CTNNA3: variants seen among roughly 807,000 people sequenced by gnomAD.
The protein encoded by CTNNA3 is catenin alpha 3, also known as catenin alpha-3.
CTNNA3 carries 76 observed loss-of-function variants against 95.7 expected under a neutral mutation model. The ratio of observed to expected loss-of-function variants is 0.79; its 90% CI spans 0.66 to 0.96. CTNNA3 has a LOEUF of 0.96. CTNNA3 is among the 40% of genes least tolerant of loss of function. The pLI, the probability that CTNNA3 is intolerant of heterozygous loss-of-function variation, is 0.00. For missense variants in CTNNA3, 1,191 were observed against 1,089.8 expected (o/e 1.09, Z -1.31); for synonymous variants, 431 against 374.4 (o/e 1.15, Z -1.74).
intron 11 of CTNNA3, among the ~76,000 whole-genome samples, chr10:66,387,617 A>T (rs2092903355): frequency 6.6e-6 from 1 of 152,208 alleles, no homozygotes; most frequent in African/African-American, 2.4e-5. Context: ...AGGATTATAA[A>T]TCATGCTACA....
intron 17 of CTNNA3, among the ~76,000 whole-genome samples, chr10:65,959,287 C>G (rs10996795): frequency 6.6e-6 from 1 of 152,188 alleles, no homozygotes; most frequent in Non-Finnish European, 1.5e-5. Context: ...CAGTTACCAT[C>G]TGTCACATCT....
At chr10:67,692,937 C>T (rs1310110218) in intron 1 of CTNNA3, among the ~76,000 whole-genome samples, 1 of 152,140 alleles carries the variant, frequency 6.6e-6, no homozygotes, top group African/African-American at 2.4e-5. Context: ...TTGCACTAAA[C>T]ATTGCCTTCT....
chr10:66,333,781 C>T (rs1434765390), intron 12 of CTNNA3, among the ~76,000 whole-genome samples: 2 of 151,148 alleles, frequency 1.3e-5, no homozygotes, highest in Non-Finnish European at 3.0e-5. Flanking sequence ...TCCTGGATAT[C>T]CTTGTTAACT....
chr10:66,926,573 C>T (rs1249896777), intron 7 of CTNNA3: 42 of 1,613,762 alleles, frequency 2.6e-5, no homozygotes, highest in Non-Finnish European at 3.4e-5. Flanking sequence ...GACCTTTGAA[C>T]AATACAAAGG....
intron 2 of CTNNA3, among the ~76,000 whole-genome samples, chr10:67,641,479 C>T (rs1839531320): frequency 6.6e-6 from 1 of 152,142 alleles, no homozygotes; most frequent in Admixed American, 6.5e-5. Context: ...ACTAGAAATA[C>T]CATTTGACCC....
chr10:66,790,447 ACT>A (rs1840925855), intron 7 of CTNNA3, among the ~76,000 whole-genome samples: 1 of 152,014 alleles, frequency 6.6e-6, no homozygotes, highest in East Asian at 1.9e-4. Context: ...ACAGAACAAG[ACT>A]CTGTCTCAAA....
intron 10 of CTNNA3, among the ~76,000 whole-genome samples, chr10:66,581,655 C>A (rs947082021): frequency 6.6e-6 from 1 of 151,244 alleles, no homozygotes; most frequent in African/African-American, 2.4e-5. Context: ...TAGTTTGAGT[C>A]CTATTCATTA....
intron 15 of CTNNA3, among the ~76,000 whole-genome samples, chr10:66,056,576 A>G (rs2080092530): frequency 6.6e-6 from 1 of 152,088 alleles, no homozygotes; most frequent in Admixed American, 6.6e-5. Context: ...CCTCCTCCTC[A>G]CATTTTAGAA....
At chr10:66,245,286 A>G (rs1340736167) in intron 13 of CTNNA3, among the ~76,000 whole-genome samples, 2 of 152,190 alleles carry the variant, frequency 1.3e-5, no homozygotes, top group Non-Finnish European at 2.9e-5. Flanking sequence ...GGTGCCCAGA[A>G]GCTCAGAGAC....
chr10:67,288,353 ATCT>A (rs1287493746), intron 5 of CTNNA3, among the ~76,000 whole-genome samples: 1 of 152,186 alleles, frequency 6.6e-6, no homozygotes, highest in African/African-American at 2.4e-5. Flanking sequence ...ATTAAAGAAA[ATCT>A]TCTTAGCATA....
intron 7 of CTNNA3, among the ~76,000 whole-genome samples, chr10:66,871,948 CACA>C: frequency 6.6e-6 from 1 of 152,280 alleles, no homozygotes; most frequent in African/African-American, 2.4e-5. Context: ...AAATTTTGCA[CACA>C]ACTATAGTAT....
At chr10:66,926,310 G>T in intron 7 of CTNNA3, 14 of 523,864 alleles carry the variant, frequency 2.7e-5, no homozygotes, top group East Asian at 1.0e-4. Flanking sequence ...CTGTAAAGAT[G>T]CAAAAACGTA....
At chr10:66,034,676 A>T (rs1052306509) in intron 15 of CTNNA3, among the ~76,000 whole-genome samples, 1 of 152,244 alleles carries the variant, frequency 6.6e-6, no homozygotes, top group Non-Finnish European at 1.5e-5. Flanking sequence ...AGTATTCCAG[A>T]GAACTCCTTT....
At chr10:67,706,540 G>C (rs1357892548) in intron 1 of CTNNA3, among the ~76,000 whole-genome samples, 1 of 152,080 alleles carries the variant, frequency 6.6e-6, no homozygotes, top group Non-Finnish European at 1.5e-5. Flanking sequence ...CAGAGCAGAA[G>C]TGATGAAAAA....
intron 7 of CTNNA3, among the ~76,000 whole-genome samples, chr10:66,845,725 A>T (rs112139282): frequency 6.0e-5 from 6 of 100,364 alleles, no homozygotes; most frequent in Non-Finnish European, 1.1e-4. Context: ...AAAAAAAAAA[A>T]AAAACTAAAA....
chr10:67,167,491 T>C (rs1861823094), intron 7 of CTNNA3, among the ~76,000 whole-genome samples: 1 of 152,210 alleles, frequency 6.6e-6, no homozygotes, highest in Admixed American at 6.5e-5. Context: ...AGTCCTAGAA[T>C]GTTACTTCTG....
At chr10:66,420,540 C>CCTG (rs149491157) in intron 11 of CTNNA3, among the ~76,000 whole-genome samples, 40,108 of 151,704 alleles carry the variant, frequency 0.26, 5,440 homozygotes, top group South Asian at 0.39. Flanking sequence ...GTGGATCATG[C>CCTG]CTGTAATTGC....
At position 65,988,763 on chromosome 10, in the gene CTNNA3, T is replaced by A. The variant is rs776774449; in HGVS notation, c.2194A>T (p.Ile732Phe). ...TCTGATATCATTTTCGCTGCATAGATCACATCAGTTGTATGCTTTAGTGGT... is the reference window on the plus strand; with the variant it reads ...TCTGATATCATTTTCGCTGCATAGAACACATCAGTTGTATGCTTTAGTGGT... ...KGPLKHTTDV[I>F]YAAKMISESG... The change falls in exon 16 of 18, where the codon ATC becomes TTC. Residue 732 changes from isoleucine (I) to phenylalanine (F), a missense_variant. Coordinates refer to ENST00000433211, the MANE Select transcript of CTNNA3 (RefSeq NM_013266.4). 7 of 1,613,998 alleles carry A rather than the reference T, an allele frequency of 4.3e-6. No homozygotes were observed. Among genetic ancestry groups the A allele is most frequent in the Non-Finnish European group, 5.9e-6 (7 of 1,179,938 alleles).
At chr10:67,557,404 C>A (rs1052996703) in intron 3 of CTNNA3, among the ~76,000 whole-genome samples, 23 of 152,276 alleles carry the variant, frequency 1.5e-4, no homozygotes, top group African/African-American at 5.3e-4. Flanking sequence ...ATTTATCCAG[C>A]CTCCTTTGTT....
Sources: gnomAD v4.1 joint callset for allele counts (sites outside exome capture counted in the v4.1 genomes callset) on GRCh38, gnomAD v4.1.1 for gene constraint, MANE v1.5 for transcripts, NCBI Gene and HGNC (gene_info 2026-07-23, HGNC 2026-07-21) for gene names.